The following LHFPL2 variants were observed in gnomAD, a reference collection of about 807,000 sequenced individuals.
LHFPL2 encodes LHFPL tetraspan subfamily member 2.
In LHFPL2, 7 loss-of-function variants were observed where a neutral mutation model predicts 17.5. The ratio of observed to expected loss-of-function variants is 0.40; its 90% CI spans 0.23 to 0.75. The LOEUF is 0.75. Among genes scored for constraint, LHFPL2 ranks in the 30% least tolerant of loss-of-function variants. The pLI is 0.37. For missense variants in LHFPL2, 241 were observed against 294.8 expected (o/e 0.82, Z 1.34); for synonymous variants, 134 against 116.2 (o/e 1.15, Z -0.99).
chr5:78,509,370 T>G (rs2112320867), intron 4 of LHFPL2, among the ~76,000 whole-genome samples: 1 of 152,306 alleles, frequency 6.6e-6, no homozygotes, highest in South Asian at 2.1e-4. Flanking sequence ...GCGCCCCCGC[T>G]TACATTCCTC....
chr5:78,577,530 A>G (rs1025611690), intron 2 of LHFPL2, among the ~76,000 whole-genome samples: 4 of 152,150 alleles, frequency 2.6e-5, no homozygotes, highest in African/African-American at 9.7e-5. Context: ...AACTGGAACA[A>G]CACAAAAGTG....
intron 1 of LHFPL2, among the ~76,000 whole-genome samples, chr5:78,634,291 G>T (rs1745353195): frequency 6.6e-6 from 1 of 152,194 alleles, no homozygotes; most frequent in African/African-American, 2.4e-5. Flanking sequence ...CCCAGGGCCT[G>T]CCCCCAACAC....
chr5:78,523,402 A>G (rs1276502418), intron 3 of LHFPL2, among the ~76,000 whole-genome samples: 1 of 152,192 alleles, frequency 6.6e-6, no homozygotes, highest in Non-Finnish European at 1.5e-5. Context: ...CTCAGTGTAC[A>G]GAAAGCCTGG....
intron 3 of LHFPL2, among the ~76,000 whole-genome samples, chr5:78,533,678 G>T (rs960833692): frequency 7.5e-6 from 1 of 133,306 alleles, no homozygotes; most frequent in African/African-American, 2.9e-5. Flanking sequence ...TAGGGGCTAA[G>T]TCATAAGCCA....
intron 4 of LHFPL2, among the ~76,000 whole-genome samples, chr5:78,509,422 A>G (rs6453398): frequency 0.041 from 6,313 of 152,260 alleles, 464 homozygotes; most frequent in African/African-American, 0.14. Context: ...CACGCTCTCC[A>G]TAATTCCTCA....
intron 2 of LHFPL2, among the ~76,000 whole-genome samples, chr5:78,570,912 T>G (rs2112425499): frequency 6.6e-6 from 1 of 152,222 alleles, no homozygotes; most frequent in East Asian, 1.9e-4. Context: ...CTTAGTGGTC[T>G]GCATTCCAAA....
rs116607098 is a variant in LHFPL2 at position 78,605,948 on chromosome 5, C to T, written c.-245+26316G>A. 3.9e-3 allele frequency among the ~76,000 whole-genome samples: 599 copies of T among 152,290 alleles called. 4 individuals are homozygous for T. The highest frequency in any genetic ancestry group is 0.014 in the African/African-American group (562 of 41,566). ...AAAGTGAAATTGCTTTCGTCAGCCACACTCAATAACACATTTTACAAAATT... is the reference window on the plus strand; with the variant it reads ...AAAGTGAAATTGCTTTCGTCAGCCATACTCAATAACACATTTTACAAAATT... On this transcript the variant is annotated intron_variant, in intron 2 of 4. Coordinates refer to ENST00000380345, the MANE Select transcript of LHFPL2 (RefSeq NM_005779.3).
chr5:78,525,457 A>G (rs1163805486), intron 3 of LHFPL2, among the ~76,000 whole-genome samples: 1 of 152,252 alleles, frequency 6.6e-6, no homozygotes, highest in Non-Finnish European at 1.5e-5. Context: ...TAACCTTGGA[A>G]AAATGAATTG....
At chr5:78,562,996 G>A (rs560214819) in intron 3 of LHFPL2, among the ~76,000 whole-genome samples, 9 of 152,254 alleles carry the variant, frequency 5.9e-5, no homozygotes, top group Admixed American at 2.0e-4. Flanking sequence ...CTCTTCACTC[G>A]GGTTTTCACA....
intron 3 of LHFPL2, among the ~76,000 whole-genome samples, chr5:78,555,573 C>A (rs1756550235): frequency 6.6e-6 from 1 of 152,130 alleles, no homozygotes; most frequent in Non-Finnish European, 1.5e-5. Flanking sequence ...GGTAAAAGGT[C>A]TTTCTACTGG....
At chr5:78,581,469 A>G (rs975198651) in intron 2 of LHFPL2, among the ~76,000 whole-genome samples, 7 of 152,168 alleles carry the variant, frequency 4.6e-5, no homozygotes, top group African/African-American at 1.7e-4. Context: ...ACGTCCCATC[A>G]ATACCTAATT....
At chr5:78,584,102 C>T (rs1320735545) in intron 2 of LHFPL2, among the ~76,000 whole-genome samples, 9 of 151,030 alleles carry the variant, frequency 6.0e-5, no homozygotes, top group Non-Finnish European at 1.3e-4. Flanking sequence ...GCATTCTTCA[C>T]GTAGTTCTCG....
At chr5:78,601,513 A>G (rs7737066) in intron 2 of LHFPL2, among the ~76,000 whole-genome samples, 63,399 of 151,760 alleles carry the variant, frequency 0.42, 13,356 homozygotes, top group Middle Eastern at 0.5. Context: ...CCCAAAAGGA[A>G]CTGTTTTTAT....
intron 2 of LHFPL2, among the ~76,000 whole-genome samples, chr5:78,589,378 G>T (rs1397715520): frequency 1.3e-5 from 2 of 150,914 alleles, no homozygotes; most frequent in Non-Finnish European, 2.9e-5. Flanking sequence ...GGCTAAGGAG[G>T]AGAATCGCTT....
At chr5:78,523,412 G>C (rs1344419496) in intron 3 of LHFPL2, among the ~76,000 whole-genome samples, 1 of 152,258 alleles carries the variant, frequency 6.6e-6, no homozygotes, top group Non-Finnish European at 1.5e-5. Context: ...AGAAAGCCTG[G>C]GGTAGGATGG....
At chr5:78,506,761 A>T (rs1394095793) in intron 4 of LHFPL2, among the ~76,000 whole-genome samples, 1 of 152,230 alleles carries the variant, frequency 6.6e-6, no homozygotes, top group Non-Finnish European at 1.5e-5. Flanking sequence ...GAAGGAGAAA[A>T]GAAACCAGTT....
intron 3 of LHFPL2, among the ~76,000 whole-genome samples, chr5:78,557,760 G>C (rs1756618153): frequency 6.6e-6 from 1 of 152,174 alleles, no homozygotes; most frequent in Non-Finnish European, 1.5e-5. Context: ...ATTGTTCTGG[G>C]ATGGTAACAT....
chr5:78,506,652 G>A (rs1754940241), intron 4 of LHFPL2, among the ~76,000 whole-genome samples: 1 of 152,200 alleles, frequency 6.6e-6, no homozygotes, highest in Non-Finnish European at 1.5e-5. Context: ...TGTGCATGAT[G>A]AGACCTCCAA....
In LHFPL2 at chr5:78,499,283, TACAC is replaced by T. The variant is rs1389382291; in HGVS notation, c.431-10134_431-10131del. Among the ~76,000 whole-genome samples, 8 of 152,362 alleles carry T rather than the reference TACAC, an allele frequency of 5.3e-5. No homozygotes were observed. In the East Asian group the frequency reaches 1.5e-3, roughly 29 times the overall value. ...CCCTTTAATAATCATGAAGATAACT[TACAC>T]TAACAATGGGAGCATTTCATGCTTG... On this transcript the variant is annotated intron_variant, in intron 4 of 4. Coordinates refer to ENST00000380345, the MANE Select transcript of LHFPL2 (RefSeq NM_005779.3).
Sources: allele counts gnomAD v4.1 joint callset (sites outside exome capture counted in the v4.1 genomes callset), GRCh38; gene constraint gnomAD v4.1.1; transcripts MANE v1.5; gene names NCBI Gene and HGNC (gene_info 2026-07-23, HGNC 2026-07-21).